Variants in FOXP1 observed in about 807,000 individuals in gnomAD.
The protein encoded by FOXP1 is forkhead box P1, also known as forkhead box protein P1.
A neutral mutation model predicts 98.2 loss-of-function variants in FOXP1; 15 were observed. The observed-to-expected ratio is 0.15, with a 90% CI of 0.10 to 0.24. FOXP1 has a LOEUF of 0.24. Among genes scored for constraint, FOXP1 ranks in the 10% least tolerant of loss-of-function variants. The probability of loss-of-function intolerance (pLI) is 1.00; values close to 1 mark genes in which losing one functional copy is unlikely to be tolerated. For missense variants in FOXP1, 633 were observed against 848.5 expected (o/e 0.75, Z 3.15); for synonymous variants, 371 against 314.5 (o/e 1.18, Z -1.90).
At chr3:71,312,321 T>A (rs2074746351) in intron 4 of FOXP1, among the ~76,000 whole-genome samples, 1 of 152,208 alleles carries the variant, frequency 6.6e-6, no homozygotes. Context: ...TCATCTCCTT[T>A]TCTATCATAT....
chr3:71,311,869 C>T (rs1242529700), intron 4 of FOXP1, among the ~76,000 whole-genome samples: 6 of 152,156 alleles, frequency 3.9e-5, no homozygotes, highest in Non-Finnish European at 7.3e-5. Context: ...TTTCCTTTCC[C>T]ATGCCTCTCT....
At chr3:71,506,912 TCC>T (rs1413494859) in intron 2 of FOXP1, among the ~76,000 whole-genome samples, 9 of 152,162 alleles carry the variant, frequency 5.9e-5, no homozygotes, top group Non-Finnish European at 8.8e-5. Flanking sequence ...CTAATGAAAG[TCC>T]CTACCTCCAA....
At chr3:71,164,614 T>C (rs1009643232) in intron 6 of FOXP1, among the ~76,000 whole-genome samples, 2 of 152,234 alleles carry the variant, frequency 1.3e-5, no homozygotes, top group African/African-American at 4.8e-5. Flanking sequence ...TCCCAGAGAC[T>C]AATACATTTT....
At chr3:71,271,418 G>A (rs2070336434) in intron 5 of FOXP1, among the ~76,000 whole-genome samples, 2 of 152,010 alleles carry the variant, frequency 1.3e-5, no homozygotes, top group Admixed American at 1.3e-4. Context: ...CCACCAATTC[G>A]GTGTGATCAC....
chr3:71,533,080 C>T (rs916986762), intron 2 of FOXP1, among the ~76,000 whole-genome samples: 1 of 152,186 alleles, frequency 6.6e-6, no homozygotes, highest in African/African-American at 2.4e-5. Context: ...ACTTCTGCAG[C>T]GGCCAGTGAG....
intron 7 of FOXP1, among the ~76,000 whole-genome samples, chr3:71,087,127 T>A (rs1308394445): frequency 6.6e-6 from 1 of 152,186 alleles, no homozygotes; most frequent in African/African-American, 2.4e-5. Flanking sequence ...AGAGCTCTTA[T>A]AGTACCTTGG....
At chr3:71,165,207 A>G (rs1278692115) in intron 6 of FOXP1, among the ~76,000 whole-genome samples, 1 of 151,318 alleles carries the variant, frequency 6.6e-6, no homozygotes, top group Non-Finnish European at 1.5e-5. Context: ...ATAAAACGTT[A>G]CTAGGAATAG....
At chr3:71,397,764 T>C (rs888276833) in intron 3 of FOXP1, among the ~76,000 whole-genome samples, 1 of 152,194 alleles carries the variant, frequency 6.6e-6, no homozygotes, top group Non-Finnish European at 1.5e-5. Flanking sequence ...GTCTTCAACT[T>C]ATACCATTTA....
chr3:71,178,828 G>A (rs2062104411), intron 6 of FOXP1, among the ~76,000 whole-genome samples: 1 of 151,564 alleles, frequency 6.6e-6, no homozygotes, highest in Admixed American at 6.6e-5. Flanking sequence ...AGCTTGCAGT[G>A]AGCCAAGATC....
chr3:71,443,145 C>T (rs1485871610), intron 3 of FOXP1, among the ~76,000 whole-genome samples: 4 of 152,156 alleles, frequency 2.6e-5, no homozygotes, highest in Non-Finnish European at 4.4e-5. Flanking sequence ...CCACCCGCCT[C>T]GGCCTCCCAA....
At chr3:71,368,741 C>T (rs946804601) in intron 3 of FOXP1, among the ~76,000 whole-genome samples, 1 of 152,176 alleles carries the variant, frequency 6.6e-6, no homozygotes, top group Non-Finnish European at 1.5e-5. Flanking sequence ...CTGATTTCTG[C>T]TCAATGGGAT....
intron 2 of FOXP1, among the ~76,000 whole-genome samples, chr3:71,554,915 A>G (rs1320174274): frequency 6.6e-6 from 1 of 152,190 alleles, no homozygotes; most frequent in Admixed American, 6.5e-5. Flanking sequence ...TATGTCCCCA[A>G]GAGTAGATAG....
At chr3:71,267,879 A>G (rs2069857711) in intron 5 of FOXP1, among the ~76,000 whole-genome samples, 1 of 151,992 alleles carries the variant, frequency 6.6e-6, no homozygotes, top group East Asian at 2.0e-4. Context: ...TTAGCCAGTC[A>G]TGGTAGTGGG....
At chr3:71,482,165 C>T (rs2090326560) in intron 3 of FOXP1, among the ~76,000 whole-genome samples, 1 of 152,072 alleles carries the variant, frequency 6.6e-6, no homozygotes, top group Non-Finnish European at 1.5e-5. Context: ...AAAGTTCCTA[C>T]TTCTAATCCT....
intron 10 of FOXP1, among the ~76,000 whole-genome samples, chr3:71,042,271 C>G (rs1325473398): frequency 6.6e-6 from 1 of 152,068 alleles, no homozygotes; most frequent in Non-Finnish European, 1.5e-5. Flanking sequence ...AATAAACTTA[C>G]AGTAATGAAG....
rs114038220 is a variant in FOXP1 at position 71,422,189 on chromosome 3, T to C, written c.-167-62945A>G. ...AGTCAAGGACAACACGTAAGGAAGT[T>C]AGAAGTCAAGGGGAGTGATAATGCA... On this transcript the variant is annotated intron_variant, in intron 3 of 20. Coordinates refer to ENST00000649528, the MANE Select transcript of FOXP1 (RefSeq NM_001349338.3). Among the ~76,000 whole-genome samples, 1,183 of 152,292 alleles carry C rather than the reference T, an allele frequency of 7.8e-3. 17 individuals are homozygous for C. The highest frequency in any genetic ancestry group is 0.027 in the African/African-American group (1,109 of 41,552).
intron 3 of FOXP1, among the ~76,000 whole-genome samples, chr3:71,386,727 G>A (rs1462590768): frequency 9.9e-6 from 1 of 101,222 alleles, no homozygotes; most frequent in Non-Finnish European, 1.8e-5. Flanking sequence ...TGTTGACAAA[G>A]CAAGATTCCG....
At chr3:71,145,562 A>G (rs1158697110) in intron 6 of FOXP1, among the ~76,000 whole-genome samples, 1 of 152,126 alleles carries the variant, frequency 6.6e-6, no homozygotes, top group Admixed American at 6.5e-5. Flanking sequence ...AAACAAAACA[A>G]AACAAAAAAA....
chr3:71,174,103 T>C (rs1045827875), intron 6 of FOXP1, among the ~76,000 whole-genome samples: 2 of 152,238 alleles, frequency 1.3e-5, no homozygotes, highest in African/African-American at 4.8e-5. Context: ...AGATCCATTA[T>C]TTATGTAAGA....
Sources: gnomAD v4.1 joint callset for allele counts (sites outside exome capture counted in the v4.1 genomes callset) on GRCh38, gnomAD v4.1.1 for gene constraint, MANE v1.5 for transcripts, NCBI Gene and HGNC (gene_info 2026-07-23, HGNC 2026-07-21) for gene names.